ZNF131: variants seen among roughly 807,000 people sequenced by gnomAD.
ZNF131 encodes zinc finger and BTB domain containing 35.
ZNF131 carries 7 observed loss-of-function variants against 60.0 expected under a neutral mutation model. The observed-to-expected ratio is 0.12, with a 90% CI of 0.07 to 0.22. The LOEUF (loss-of-function observed/expected upper bound fraction) is 0.22. ZNF131 is among the 10% of genes least tolerant of loss of function. ZNF131 has a pLI of 1.00. For synonymous variants in ZNF131, 257 were observed against 253.2 expected (o/e 1.01, Z -0.14); for missense variants, 493 against 740.9 (o/e 0.67, Z 3.88).
intron 5 of ZNF131, among the ~76,000 whole-genome samples, chr5:43,170,537 T>G (rs189572363): frequency 8.5e-5 from 13 of 152,326 alleles, no homozygotes; most frequent in Admixed American, 7.2e-4. Flanking sequence ...ATTTCAGAGC[T>G]TCTCCATATA....
At chr5:43,122,705 G>A (rs1744026996) in intron 2 of ZNF131, among the ~76,000 whole-genome samples, 2 of 152,160 alleles carry the variant, frequency 1.3e-5, no homozygotes, top group African/African-American at 4.8e-5. Context: ...TATGTTTTCT[G>A]TTTAGCGAAA....
At chr5:43,128,733 T>A (rs1744909662) in intron 3 of ZNF131, among the ~76,000 whole-genome samples, 2 of 151,822 alleles carry the variant, frequency 1.3e-5, no homozygotes, top group South Asian at 4.2e-4. Context: ...TATCCCAGTT[T>A]TGATTCCAAA....
intron 4 of ZNF131, among the ~76,000 whole-genome samples, chr5:43,153,031 C>T (rs1426202882): frequency 1.3e-5 from 2 of 152,156 alleles, no homozygotes; most frequent in African/African-American, 2.4e-5. Context: ...TCCTCTTATG[C>T]AGACCTTTCA....
rs765959932 is a variant in ZNF131 at position 43,130,263 on chromosome 5, C to CAAAAAAAAAAA, written c.226+6953_226+6954insAAAAAAAAAAA. 5.1e-3 allele frequency among the ~76,000 whole-genome samples: 169 copies of CAAAAAAAAAAA among 33,074 alleles called. 7 individuals carry two copies. Among genetic ancestry groups the CAAAAAAAAAAA allele is most frequent in the South Asian group, 0.01 (4 of 390 alleles). The allele number at this position is 33,074 out of a possible 152,430, so 21.7% of individuals were successfully genotyped here. On this transcript the variant is annotated intron_variant, in intron 3 of 6. Transcript: ENST00000682664. The stretch of plus-strand genomic sequence containing the variant: ...TGAGCGATAGAGTAAGACTCTGTCT[C>CAAAAAAAAAAA]CAAAAAAAAAAAAAAAAAAGAGGAA...
chr5:43,150,225 T>C (rs1305324692), intron 4 of ZNF131, among the ~76,000 whole-genome samples: 1 of 152,174 alleles, frequency 6.6e-6, no homozygotes, highest in Non-Finnish European at 1.5e-5. Context: ...GAGGAAACAT[T>C]ATTATACTGG....
chr5:43,137,863 T>C (rs1005648651), intron 3 of ZNF131, among the ~76,000 whole-genome samples: 2 of 152,222 alleles, frequency 1.3e-5, no homozygotes, highest in African/African-American at 4.8e-5. Flanking sequence ...AAATGTAGTA[T>C]ATGTATCCAA....
In ZNF131 at chr5:43,174,590, C is replaced by T; in HGVS notation, c.1329C>T (p.His443=). The part of the protein sequence containing the change: ...NELRRHLSDA[H]NISERLVTEE... ...TAAGGAGGCATCTCAGTGATGCTCA[C>T]AATATTTCAGAGCGTCTAGTAACGG... The change falls in exon 7 of 7, where the codon CAC becomes CAT. Residue 443 remains histidine, a synonymous_variant. Transcript: ENST00000682664. The T allele has an allele frequency of 6.2e-7, 1 of 1,613,292 alleles. No individual in the cohort carries two copies. The highest frequency in any genetic ancestry group is 8.5e-7 in the Non-Finnish European group (1 of 1,179,580).
At chr5:43,143,288 TG>T in intron 4 of ZNF131, 2 of 951,610 alleles carry the variant, frequency 2.1e-6, no homozygotes, top group Non-Finnish European at 2.7e-6. Flanking sequence ...CCCAAAGTGC[TG>T]GGATTACAAG....
At chr5:43,131,877 A>G (rs770219260) in intron 3 of ZNF131, among the ~76,000 whole-genome samples, 1 of 152,082 alleles carries the variant, frequency 6.6e-6, no homozygotes, top group East Asian at 1.9e-4. Flanking sequence ...GAATGAGAAC[A>G]TGTATCTTCA....
At chr5:43,129,254 TAGAGA>T (rs1303514172) in intron 3 of ZNF131, among the ~76,000 whole-genome samples, 2 of 152,140 alleles carry the variant, frequency 1.3e-5, no homozygotes. Context: ...GTATTTTTTG[TAGAGA>T]AGAGATCTCA....
intron 5 of ZNF131, among the ~76,000 whole-genome samples, chr5:43,166,736 A>C (rs983787875): frequency 1.3e-5 from 2 of 151,266 alleles, no homozygotes; most frequent in African/African-American, 2.4e-5. Flanking sequence ...GCTCACTGCA[A>C]CCTCTGCCTC....
intron 5 of ZNF131, among the ~76,000 whole-genome samples, chr5:43,166,991 C>T (rs1303443640): frequency 6.6e-6 from 1 of 152,172 alleles, no homozygotes; most frequent in African/African-American, 2.4e-5. Context: ...CACTTAGAGG[C>T]TGTTGTAAGG....
At chr5:43,173,036 A>C (rs1394836594) in intron 5 of ZNF131, 2 of 214,580 alleles carry the variant, frequency 9.3e-6, no homozygotes, top group Non-Finnish European at 1.8e-5. Flanking sequence ...TCTAAGGGAA[A>C]ATAATTTTTT....
chr5:43,164,823 C>T (rs1402965686), intron 5 of ZNF131, among the ~76,000 whole-genome samples: 2 of 152,192 alleles, frequency 1.3e-5, no homozygotes, highest in Non-Finnish European at 2.9e-5. Context: ...AATTACTGAA[C>T]CATATACCCA....
In ZNF131 at chr5:43,123,185, C is replaced by G. The variant is rs113912341; in HGVS notation, c.125-24C>G. 1.4e-3 allele frequency: 2,151 copies of G among 1,530,878 alleles called. 29 individuals carry two copies. The African/African-American group carries it at 0.028, about 20-fold the overall frequency. The allele number at this position is 1,530,878 out of a possible 1,614,324, so 94.8% of individuals were successfully genotyped here. ...GATTTTCGTGCTTGTGTATGATTTT[C>G]TTTTTTTTTCTTATTTTACCTAGGA... is the stretch of plus-strand genomic sequence containing the variant. On this transcript the variant is annotated intron_variant, in intron 2 of 6. Transcript: ENST00000682664.
In ZNF131 at chr5:43,151,839, A is replaced by G. The variant is rs180965539; in HGVS notation, c.372-9410A>G. Among the ~76,000 whole-genome samples the G allele has an allele frequency of 3.0e-3, 455 of 152,270 alleles. 1 individual carries two copies. The highest frequency in any genetic ancestry group is 0.011 in the African/African-American group (443 of 41,558). On this transcript the variant is annotated intron_variant, in intron 4 of 6. Coordinates refer to ENST00000682664, the MANE Select transcript of ZNF131 (RefSeq NM_001330707.2). ...CCCTGAAAGGAAAGTACTATTTGCA[A>G]TTGTTCGTGCCTCCAAAGTAGGCAC...
chr5:43,147,087 C>G (rs1747683532), intron 4 of ZNF131, among the ~76,000 whole-genome samples: 1 of 152,074 alleles, frequency 6.6e-6, no homozygotes, highest in African/African-American at 2.4e-5. Flanking sequence ...GTACAAAGTT[C>G]ATGTTTGACT....
chr5:43,169,823 C>T (rs530918449), intron 5 of ZNF131, among the ~76,000 whole-genome samples: 2 of 150,918 alleles, frequency 1.3e-5, no homozygotes, highest in Non-Finnish European at 2.9e-5. Flanking sequence ...CAGAGTCTGG[C>T]ACTATCACCC....
intron 5 of ZNF131, among the ~76,000 whole-genome samples, chr5:43,163,167 G>T (rs1177859353): frequency 2.0e-5 from 3 of 151,614 alleles, no homozygotes; most frequent in Admixed American, 6.6e-5. Flanking sequence ...TAGAGACGGG[G>T]TTTCACCATA....
Sources: gnomAD v4.1 joint callset for allele counts (sites outside exome capture counted in the v4.1 genomes callset) on GRCh38, gnomAD v4.1.1 for gene constraint, MANE v1.5 for transcripts, NCBI Gene and HGNC (gene_info 2026-07-23, HGNC 2026-07-21) for gene names.